The following ZNF652 variants were observed in gnomAD, a reference collection of about 807,000 sequenced individuals.
ZNF652 encodes zinc finger protein 652.
Under a neutral mutation model 45.2 loss-of-function variants are expected in ZNF652, and 16 were observed. That is an observed-to-expected ratio of 0.35 (90% confidence interval 0.24 to 0.54). The LOEUF is 0.54. Among genes scored for constraint, ZNF652 ranks in the 20% least tolerant of loss-of-function variants. The probability of loss-of-function intolerance (pLI) is 0.91; values close to 1 mark genes in which losing one functional copy is unlikely to be tolerated. For synonymous variants in ZNF652, 250 were observed against 260.6 expected (o/e 0.96, Z 0.39); for missense variants, 614 against 765.6 (o/e 0.80, Z 2.34).
At chr17:49,357,139 A>G (rs1281503609) in intron 1 of ZNF652, among the ~76,000 whole-genome samples, 1 of 152,106 alleles carries the variant, frequency 6.6e-6, no homozygotes, top group Non-Finnish European at 1.5e-5. Context: ...TTTACTAAAA[A>G]TACAAAAAAA....
chr17:49,361,952 G>C lies in ZNF652; in HGVS notation c.-302C>G, dbSNP rs1306137061. 1 of 150,160 alleles carries C rather than the reference G, an allele frequency of 6.7e-6. No homozygotes were observed. The allele number at this position is 150,160 out of a possible 1,614,324, so 9.3% of individuals were successfully genotyped here. ...CCTCCGCCGCCCCGGCCGCCGCCTC[G>C]GCGGTCCATCCCTGCGGCGGGGGCC... On this transcript the variant is annotated 5_prime_UTR_variant, in exon 1 of 6. Coordinates refer to ENST00000430262, the MANE Select transcript of ZNF652 (RefSeq NM_001145365.3).
Position 49,298,712 on chromosome 17 carries a change from G to C in ZNF652, c.1522C>G (p.Leu508Val), listed in dbSNP as rs1297687868. The change falls in exon 6 of 6, where the codon CTT becomes GTT. Residue 508 changes from leucine (L) to valine (V), a missense_variant. By Grantham distance (32) the Leu-to-Val change is conservative. Transcript: ENST00000430262. Reference protein sequence around the residue: ...VNVPPAVQIPLTTSPATPVPS... With the variant: ...VNVPPAVQIPVTTSPATPVPS... ...ACTGGGGTGGCTGGGGAAGTTGTAA[G>C]TGGGATCTGGACAGCAGGTGGCACA... The C allele has an allele frequency of 6.8e-6, 11 of 1,614,100 alleles. No individual in the cohort carries two copies. Among genetic ancestry groups the C allele is most frequent in the Admixed American group, 3.3e-5 (2 of 59,998 alleles).
intron 1 of ZNF652, among the ~76,000 whole-genome samples, chr17:49,359,780 C>G (rs2070373646): frequency 6.6e-6 from 1 of 152,188 alleles, no homozygotes; most frequent in African/African-American, 2.4e-5. Flanking sequence ...CAATTAAAAT[C>G]CTTCCATTAA....
Position 49,298,197 on chromosome 17 carries a change from A to C in ZNF652, c.*216T>G. On this transcript the variant is annotated 3_prime_UTR_variant, in exon 6 of 6. Transcript: ENST00000430262. ...AGAAAATGCAAGCAAATTGGGCTTT[A>C]GTTCAGTGGTTCCCCTGGTTTAGAT... The C allele has an allele frequency of 1.7e-6, 1 of 582,050 alleles. No homozygotes were observed. The highest frequency in any genetic ancestry group is 2.9e-6 in the Non-Finnish European group (1 of 343,620). 36.1% of individuals were successfully genotyped at this position (582,050 alleles called of 1,614,324 possible).
intron 1 of ZNF652, among the ~76,000 whole-genome samples, chr17:49,340,568 A>AAAAG (rs1567696096): frequency 1.7e-4 from 21 of 122,492 alleles, no homozygotes; most frequent in African/African-American, 4.9e-4. Flanking sequence ...AAAAAAAAAA[A>AAAAG]AAAGAAAGAA....
chr17:49,337,130 T>C (rs978140840), intron 1 of ZNF652, among the ~76,000 whole-genome samples: 1 of 151,528 alleles, frequency 6.6e-6, no homozygotes, highest in African/African-American at 2.4e-5. Context: ...AGCTGGGAGT[T>C]TGAGATCAGC....
At chr17:49,327,766 TA>T (rs1567690513) in intron 1 of ZNF652, among the ~76,000 whole-genome samples, 24 of 5,898 alleles carry the variant, frequency 4.1e-3, no homozygotes, top group African/African-American at 0.015. Context: ...TATATATATA[TA>T]TATATATATA....
chr17:49,317,979 C>G lies in ZNF652; in HGVS notation c.-254G>C. The G allele has an allele frequency of 2.8e-6, 1 of 358,404 alleles. No homozygotes were observed. The highest frequency in any genetic ancestry group is 5.0e-6 in the Non-Finnish European group (1 of 201,334). The allele number at this position is 358,404 out of a possible 1,614,324, so 22.2% of individuals were successfully genotyped here. A position where few individuals can be genotyped will look rare whatever the true frequency, so the allele number is the denominator to read the frequency against. On this transcript the variant is annotated 5_prime_UTR_variant, in exon 2 of 6. Transcript: ENST00000430262. ...AGAGCTGCAAGGGACTTGGGAGCAT[C>G]TTATCTACAAAGAAAAGCAAAGAGG... is the stretch of plus-strand genomic sequence containing the variant.
intron 1 of ZNF652, among the ~76,000 whole-genome samples, chr17:49,355,642 G>A (rs1223521302): frequency 2.6e-5 from 4 of 152,178 alleles, no homozygotes; most frequent in Non-Finnish European, 4.4e-5. Context: ...GCTCACGCCT[G>A]TAATCCCAGC....
chr17:49,339,721 A>T (rs1052285103), intron 1 of ZNF652, among the ~76,000 whole-genome samples: 7 of 152,180 alleles, frequency 4.6e-5, no homozygotes, highest in East Asian at 1.9e-4. Flanking sequence ...ATGTTCTGGA[A>T]TTTTTTTTGT....
chr17:49,312,502 T>C (rs189180306), intron 3 of ZNF652, among the ~76,000 whole-genome samples, 196 bp downstream of exon 3: 5 of 152,050 alleles, frequency 3.3e-5, no homozygotes, highest in Non-Finnish European at 7.4e-5. Context: ...GAAGAGAAAA[T>C]AATGTTGAAA....
At position 49,317,297 on chromosome 17, in the gene ZNF652, C is replaced by G; in HGVS notation, c.429G>C (p.Glu143Asp). 6.2e-7 allele frequency: 1 copy of G among 1,613,012 alleles called. No homozygotes were observed. Among genetic ancestry groups the G allele is most frequent in the Non-Finnish European group, 8.5e-7 (1 of 1,180,022 alleles). The change falls in exon 2 of 6, where the codon GAG (glutamate) becomes GAC (aspartate). Residue 143 changes from glutamate (E) to aspartate (D), a missense_variant. Transcript: ENST00000430262. ...CACTGCTTGTCTTAAGAACAGGAGT[C>G]TCTTTGGACTGAGAAGAGACACCCT... ...GEKGVSSQSK[E>D]TPVLKTSSEE...
chr17:49,350,754 G>C (rs2070262369), intron 1 of ZNF652, among the ~76,000 whole-genome samples: 1 of 151,428 alleles, frequency 6.6e-6, no homozygotes, highest in Non-Finnish European at 1.5e-5. Flanking sequence ...CGAATCACCT[G>C]AGGTCAGGAG....
chr17:49,316,243 G>A (rs62076405), intron 2 of ZNF652, among the ~76,000 whole-genome samples: 34,941 of 152,096 alleles, frequency 0.23, 4,131 homozygotes, highest in South Asian at 0.32. Context: ...ACTGCCAGGT[G>A]GGCAACATTT....
At chr17:49,347,699 A>T (rs2070218909) in intron 1 of ZNF652, among the ~76,000 whole-genome samples, 1 of 150,736 alleles carries the variant, frequency 6.6e-6, no homozygotes, top group Non-Finnish European at 1.5e-5. Context: ...CTATTAAGTA[A>T]TCTTGCCCCA....
intron 5 of ZNF652, among the ~76,000 whole-genome samples, chr17:49,307,395 C>T (rs1464246843): frequency 2.9e-5 from 4 of 137,370 alleles, no homozygotes; most frequent in African/African-American, 1.1e-4. Context: ...CGGGCCATTG[C>T]ACTCTGGCCT....
At chr17:49,354,879 C>T (rs376678130) in intron 1 of ZNF652, among the ~76,000 whole-genome samples, 4 of 152,006 alleles carry the variant, frequency 2.6e-5, no homozygotes, top group African/African-American at 9.7e-5. Flanking sequence ...GCATGCACCA[C>T]CACACCCGGC....
intron 1 of ZNF652, among the ~76,000 whole-genome samples, chr17:49,354,506 G>A (rs973136928): frequency 6.6e-6 from 1 of 151,156 alleles, no homozygotes; most frequent in Non-Finnish European, 1.5e-5. Flanking sequence ...AGCTACTCGG[G>A]AGGCCAAGGC....
intron 1 of ZNF652, among the ~76,000 whole-genome samples, chr17:49,340,385 G>A (rs1412111407): frequency 6.6e-6 from 1 of 151,774 alleles, no homozygotes; most frequent in East Asian, 1.9e-4. Flanking sequence ...GCGAAACCTT[G>A]TCTCTACTAA....
Sources: gnomAD v4.1 joint callset for allele counts (sites outside exome capture counted in the v4.1 genomes callset) on GRCh38, gnomAD v4.1.1 for gene constraint, MANE v1.5 for transcripts, NCBI Gene and HGNC (gene_info 2026-07-23, HGNC 2026-07-21) for gene names.